The following CCDC33 variants were observed in gnomAD, a reference collection of about 807,000 sequenced individuals.
The protein encoded by CCDC33 is coiled-coil domain-containing protein 33.
CCDC33 carries 94 observed loss-of-function variants against 91.9 expected under a neutral mutation model. The observed-to-expected ratio is 1.02, with a 90% CI of 0.87 to 1.21. CCDC33 has a LOEUF of 1.21. Ranked by LOEUF, CCDC33 falls within the 50% of genes most tolerant of loss-of-function variation. The probability of loss-of-function intolerance (pLI) is 0.00; values close to 1 mark genes in which losing one functional copy is unlikely to be tolerated. For synonymous variants in CCDC33, 396 were observed against 374.5 expected, an observed-to-expected ratio of 1.06 and a Z score of -0.66; for missense variants, 940 against 935.5, an observed-to-expected ratio of 1.00 and a Z score of -0.06.
At chr15:74,294,089 C>A (rs889265131) in intron 10 of CCDC33, among the ~76,000 whole-genome samples, 5 of 152,108 alleles carry the variant, frequency 3.3e-5, no homozygotes, top group Non-Finnish European at 7.4e-5. Context: ...TAAAAGAGGC[C>A]CACCTGCATT....
At chr15:74,230,757 C>G (rs2074945946) in intron 2 of CCDC33, among the ~76,000 whole-genome samples, 1 of 152,180 alleles carries the variant, frequency 6.6e-6, no homozygotes, top group Non-Finnish European at 1.5e-5. Flanking sequence ...CATGTGAAGG[C>G]ATCCATTCTC....
chr15:74,209,599 T>G, intron 2 of CCDC33: 1 of 650,740 alleles, frequency 1.5e-6, no homozygotes, highest in Non-Finnish European at 2.6e-6. Flanking sequence ...ATTTCTCACT[T>G]CTCACAGACA....
chr15:74,293,978 T>TA (rs2059632273), intron 10 of CCDC33, among the ~76,000 whole-genome samples: 1 of 152,188 alleles, frequency 6.6e-6, no homozygotes, highest in African/African-American at 2.4e-5. Context: ...GAAAGGGGCA[T>TA]AAAAGAATAA....
Position 74,236,618 on chromosome 15 carries a change from A to T in CCDC33, c.-102A>T. The T allele has an allele frequency of 9.0e-7, 1 of 1,105,062 alleles. No individual in the cohort carries two copies. The highest frequency in any genetic ancestry group is 1.3e-6 in the Non-Finnish European group (1 of 746,454). 68.5% of individuals were successfully genotyped at this position (1,105,062 alleles called of 1,614,324 possible). On this transcript the variant is annotated 5_prime_UTR_variant, in exon 1 of 19. Coordinates refer to ENST00000398814, the MANE Select transcript of CCDC33 (RefSeq NM_025055.5). ...TACCCATAAGGACTCCAAGACGCCCAGGCCAGCTGTCTGGGCAGGACTGAT... is the reference window on the plus strand; with the variant it reads ...TACCCATAAGGACTCCAAGACGCCCTGGCCAGCTGTCTGGGCAGGACTGAT...
intron 2 of CCDC33, among the ~76,000 whole-genome samples, chr15:74,258,701 A>G (rs2075942635): frequency 6.6e-6 from 1 of 152,006 alleles, no homozygotes; most frequent in Admixed American, 6.6e-5. Flanking sequence ...TGTCTCCTGG[A>G]GTGAGGGGGA....
In CCDC33 at chr15:74,295,807, C is replaced by T; in HGVS notation, c.1149C>T (p.Asp383=). ...PNNSKALPTL[D]PKILDKKLRT... is the part of the protein sequence containing the mutation. ...ACAGCAAGGCTCTTCCTACCTTGGA[C>T]CCCAAGATCCTGGATAAGAAGCTGA... The change falls in exon 11 of 19, where the codon GAC becomes GAT. Residue 383 remains aspartate, a synonymous_variant. Coordinates refer to ENST00000398814, the MANE Select transcript of CCDC33 (RefSeq NM_025055.5). The T allele has an allele frequency of 6.2e-7, 1 of 1,614,134 alleles. No individual in the cohort carries two copies. Among genetic ancestry groups the T allele is most frequent in the Non-Finnish European group, 8.5e-7 (1 of 1,180,002 alleles).
chr15:74,282,008 G>A (rs191436410), intron 10 of CCDC33, among the ~76,000 whole-genome samples, 159 bp downstream of exon 10: 27 of 152,300 alleles, frequency 1.8e-4, no homozygotes, highest in Non-Finnish European at 2.4e-4. Flanking sequence ...CCAGACAAAC[G>A]TAGAGAGAGC....
At chr15:74,213,552 A>C (rs1393036740), upstream of CCDC33, 2 of 152,180 alleles carry the variant, frequency 1.3e-5, no homozygotes, top group Non-Finnish European at 2.9e-5. Context: ...CTTTCCTCCT[A>C]TTCACCTGCC....
At chr15:74,227,266 G>C (rs1170473435) in intron 2 of CCDC33, among the ~76,000 whole-genome samples, 1 of 152,248 alleles carries the variant, frequency 6.6e-6, no homozygotes, top group Non-Finnish European at 1.5e-5. Flanking sequence ...TGAGCCAGTA[G>C]TCAGCACACA....
intron 7 of CCDC33, among the ~76,000 whole-genome samples, chr15:74,279,232 G>A (rs141071569): frequency 1.3e-5 from 2 of 152,294 alleles, no homozygotes; most frequent in African/African-American, 4.8e-5. Flanking sequence ...GGAAAAATGG[G>A]AAGGAAGAAA....
At chr15:74,320,596 G>A (rs994978553) in intron 11 of CCDC33, among the ~76,000 whole-genome samples, 2 of 152,112 alleles carry the variant, frequency 1.3e-5, no homozygotes, top group African/African-American at 4.8e-5. Flanking sequence ...AGTCCAAAAT[G>A]GGGTTTGGGA....
chr15:74,281,164 A>G (rs892997032), intron 9 of CCDC33, among the ~76,000 whole-genome samples: 11 of 152,236 alleles, frequency 7.2e-5, no homozygotes, highest in African/African-American at 2.4e-4. Context: ...ACTGAACCAC[A>G]AGAGTCCTCG....
chr15:74,226,557 G>A (rs138245421), intron 2 of CCDC33, among the ~76,000 whole-genome samples: 1 of 152,220 alleles, frequency 6.6e-6, no homozygotes, highest in African/African-American at 2.4e-5. Flanking sequence ...AGCCAGGCAC[G>A]GTGGCTCTCG....
rs372720909 is a variant in CCDC33, at chr15:74,254,799, G to A, written c.186-7641G>A. Among the ~76,000 whole-genome samples, 10 of 144,364 alleles carry A rather than the reference G, an allele frequency of 6.9e-5. 2 individuals carry two copies. Among genetic ancestry groups the A allele is most frequent in the Admixed American group, 5.7e-4 (8 of 14,024 alleles). The allele number at this position is 144,364 out of a possible 152,430, so 94.7% of individuals were successfully genotyped here. A position where few individuals can be genotyped will look rare whatever the true frequency, so the allele number is the denominator to read the frequency against. ...TTTCACTCTTGTCACCCAGGCTGGT[G>A]TGCAATGATGTGATCTCGGCTCACT... On this transcript the variant is annotated intron_variant, in intron 2 of 18. Transcript: ENST00000398814.
chr15:74,315,568 G>A (rs893092668), intron 11 of CCDC33, among the ~76,000 whole-genome samples: 10 of 152,250 alleles, frequency 6.6e-5, no homozygotes, highest in Admixed American at 5.9e-4. Context: ...ACAGTGCCCA[G>A]CCTATGGTGA....
At chr15:74,335,482 G>T (rs2060546550) in intron 18 of CCDC33, 2 of 444,312 alleles carry the variant, frequency 4.5e-6, no homozygotes, top group Admixed American at 7.6e-5. Context: ...TCTCAAATTA[G>T]CACACCCTTC....
chr15:74,331,444 G>T lies in CCDC33; in HGVS notation c.1771+148G>T. On this transcript the variant is annotated intron_variant, in intron 15 of 18. Transcript: ENST00000398814. ...CTGTGGGCCTGGGAGACCCAGGATTGCCCTGCTCCCCTCCTCATTCAGGCG... is the reference window on the plus strand; with the variant it reads ...CTGTGGGCCTGGGAGACCCAGGATTTCCCTGCTCCCCTCCTCATTCAGGCG... The T allele has an allele frequency of 3.9e-6, 3 of 772,174 alleles. No homozygotes were observed. The South Asian group carries it at 5.5e-5, about 14-fold the overall frequency. The allele number at this position is 772,174 out of a possible 1,614,324, so 47.8% of individuals were successfully genotyped here.
At chr15:74,288,610 G>C (rs74518814) in intron 10 of CCDC33, among the ~76,000 whole-genome samples, 1,742 of 152,264 alleles carry the variant, frequency 0.011, 41 homozygotes, top group African/African-American at 0.04. Context: ...CCTCCCTGCT[G>C]TTCTATACTG....
intron 1 of CCDC33, among the ~76,000 whole-genome samples, chr15:74,237,562 A>G (rs1887077752): frequency 6.6e-6 from 1 of 152,076 alleles, no homozygotes; most frequent in Non-Finnish European, 1.5e-5. Flanking sequence ...TTTCCACTTC[A>G]TTACTCTTGA....
Sources: allele counts gnomAD v4.1 joint callset (sites outside exome capture counted in the v4.1 genomes callset), GRCh38; gene constraint gnomAD v4.1.1; transcripts MANE v1.5; gene names NCBI Gene and HGNC (gene_info 2026-07-23, HGNC 2026-07-21).